Variants in TCF12 observed in about 807,000 individuals in gnomAD.
The protein encoded by TCF12 is DNA-binding protein HTF4.
In TCF12, 45 loss-of-function variants were observed where a neutral mutation model predicts 86.0. The ratio of observed to expected loss-of-function variants is 0.52; its 90% CI spans 0.41 to 0.67. TCF12 has a LOEUF of 0.67. TCF12 is among the 30% of genes least tolerant of loss of function. The pLI, the probability that TCF12 is intolerant of heterozygous loss-of-function variation, is 0.00. For synonymous variants in TCF12, 330 were observed against 299.6 expected, an observed-to-expected ratio of 1.10 and a Z score of -1.05; for missense variants, 881 against 859.9, an observed-to-expected ratio of 1.02 and a Z score of -0.31.
chr15:56,991,619 T>A (rs1427640587), intron 3 of TCF12, among the ~76,000 whole-genome samples: 1 of 152,190 alleles, frequency 6.6e-6, no homozygotes, highest in Non-Finnish European at 1.5e-5. Flanking sequence ...TACCTACTGC[T>A]TGAATGAAGA....
chr15:57,245,532 CTG>C (rs1486961002), intron 13 of TCF12, among the ~76,000 whole-genome samples: 7 of 152,308 alleles, frequency 4.6e-5, no homozygotes, highest in Middle Eastern at 6.8e-3. Flanking sequence ...CTCGCCTTGT[CTG>C]TGTAGTAAGA....
At chr15:57,007,376 G>A (rs1475035040) in intron 3 of TCF12, among the ~76,000 whole-genome samples, 2 of 152,134 alleles carry the variant, frequency 1.3e-5, no homozygotes, top group Admixed American at 1.3e-4. Flanking sequence ...AACAAAAAAG[G>A]TATGATGTGT....
intron 19 of TCF12, among the ~76,000 whole-genome samples, chr15:57,274,184 T>G (rs1171006301): frequency 3.3e-5 from 5 of 151,478 alleles, no homozygotes; most frequent in Non-Finnish European, 5.9e-5. Flanking sequence ...CAAAAAAGAA[T>G]AGGGTGGGCA....
chr15:57,068,552 A>C (rs1326765065), intron 4 of TCF12, among the ~76,000 whole-genome samples: 1 of 152,166 alleles, frequency 6.6e-6, no homozygotes, highest in Non-Finnish European at 1.5e-5. Flanking sequence ...CTTCCTGCCA[A>C]ACTTGGATAT....
intron 5 of TCF12, among the ~76,000 whole-genome samples, chr15:57,158,489 T>C (rs1321042282): frequency 6.6e-6 from 1 of 152,122 alleles, no homozygotes; most frequent in East Asian, 1.9e-4. Context: ...TAGAAAGTCA[T>C]TTATAAAGCC....
chr15:57,029,701 C>G (rs1483875344), intron 3 of TCF12, among the ~76,000 whole-genome samples: 1 of 152,092 alleles, frequency 6.6e-6, no homozygotes, highest in African/African-American at 2.4e-5. Flanking sequence ...GTTCTGTTAC[C>G]CTATAAACCA....
chr15:56,957,215 G>A (rs2061539540), intron 3 of TCF12, among the ~76,000 whole-genome samples: 1 of 152,136 alleles, frequency 6.6e-6, no homozygotes, highest in Admixed American at 6.6e-5. Flanking sequence ...GAATTACCCA[G>A]TCTTTGGTAT....
At chr15:56,924,233 G>A (rs565833088) in intron 3 of TCF12, among the ~76,000 whole-genome samples, 1 of 151,980 alleles carries the variant, frequency 6.6e-6, no homozygotes, top group Non-Finnish European at 1.5e-5. Context: ...AATTAGTACA[G>A]TATCACAACT....
At chr15:57,154,962 A>G (rs2054016433) in intron 5 of TCF12, among the ~76,000 whole-genome samples, 2 of 152,188 alleles carry the variant, frequency 1.3e-5, no homozygotes, top group African/African-American at 2.4e-5. Flanking sequence ...TCACTGTTCC[A>G]CGCACTTAAG....
intron 3 of TCF12, among the ~76,000 whole-genome samples, chr15:56,942,858 A>T (rs938889505): frequency 6.6e-6 from 1 of 152,178 alleles, no homozygotes; most frequent in Non-Finnish European, 1.5e-5. Flanking sequence ...GAAGTGCTTT[A>T]TATCTATTTG....
chr15:57,232,219 T>G, intron 9 of TCF12, 72 bp from the exon 10 acceptor site: 7 of 1,577,950 alleles, frequency 4.4e-6, no homozygotes, highest in Non-Finnish European at 4.3e-6. Flanking sequence ...CCCCTTGAAT[T>G]TTTATAAGCA....
At chr15:57,078,773 A>G (rs2070365753) in intron 4 of TCF12, among the ~76,000 whole-genome samples, 1 of 152,242 alleles carries the variant, frequency 6.6e-6, no homozygotes, top group South Asian at 2.1e-4. Flanking sequence ...GGCATTTAGG[A>G]TATAGATTGA....
At chr15:57,010,597 T>G (rs1472178694) in intron 3 of TCF12, among the ~76,000 whole-genome samples, 4 of 152,178 alleles carry the variant, frequency 2.6e-5, no homozygotes, top group Non-Finnish European at 5.9e-5. Flanking sequence ...TAGGAGGTAC[T>G]TTTTTATGAA....
intron 3 of TCF12, among the ~76,000 whole-genome samples, chr15:57,042,162 A>G (rs966785548): frequency 6.6e-6 from 1 of 151,914 alleles, no homozygotes; most frequent in African/African-American, 2.4e-5. Context: ...CTTGTTGCCC[A>G]GGCTGGAGTG....
chr15:57,159,233 C>G (rs2054328011), intron 5 of TCF12, among the ~76,000 whole-genome samples: 1 of 152,200 alleles, frequency 6.6e-6, no homozygotes, highest in Non-Finnish European at 1.5e-5. Context: ...CTAGTTGACT[C>G]AATGAGAGCG....
chr15:57,075,804 T>TTCTGTCTCTCTCTC (rs1461514777), intron 4 of TCF12, among the ~76,000 whole-genome samples: 1 of 28,590 alleles, frequency 3.5e-5, no homozygotes, highest in Admixed American at 3.8e-4. Context: ...CTTTCTTTCT[T>TTCTGTCTCTCTCTC]TCTCTCTCTC....
At position 57,278,728 on chromosome 15, in the gene TCF12, CCCCTCTCTCTCCCTCCCT is replaced by C. The variant is rs1567041472; in HGVS notation, c.1979-3701_1979-3684del. ...CCTCCCTCCCTCCCTCTCCCTCCCT[CCCCTCTCTCTCCCTCCCT>C]CCCTCTCTCTCCCTCTCTCTCCCTA... On this transcript the variant is annotated intron_variant, in intron 19 of 20. Coordinates refer to ENST00000333725, the MANE Select transcript of TCF12 (RefSeq NM_207037.2). 7 of 80,752 alleles carry C rather than the reference CCCCTCTCTCTCCCTCCCT, an allele frequency of 8.7e-5. 1 individual carries two copies. The highest frequency in any genetic ancestry group is 4.8e-4 in the African/African-American group (7 of 14,530). The allele number at this position is 80,752 out of a possible 1,614,324, so 5.0% of individuals were successfully genotyped here.
chr15:57,184,207 G>A (rs1055185799), intron 6 of TCF12, among the ~76,000 whole-genome samples: 2 of 151,688 alleles, frequency 1.3e-5, no homozygotes, highest in Non-Finnish European at 2.9e-5. Flanking sequence ...CAGACCATAC[G>A]TTTTCTGTTG....
intron 3 of TCF12, among the ~76,000 whole-genome samples, chr15:57,022,629 G>T (rs747412111): frequency 2.0e-5 from 3 of 152,144 alleles, no homozygotes; most frequent in Non-Finnish European, 4.4e-5. Context: ...CTAGATCCTT[G>T]TGGAATCGCC....
Sources: allele counts gnomAD v4.1 joint callset (sites outside exome capture counted in the v4.1 genomes callset), GRCh38; gene constraint gnomAD v4.1.1; transcripts MANE v1.5; gene names NCBI Gene and HGNC (gene_info 2026-07-23, HGNC 2026-07-21).